Variants in TCIRG1 observed in about 807,000 individuals in gnomAD.
TCIRG1 encodes the protein T cell immune regulator 1, ATPase H+ transporting V0 subunit a3, also known as V-type proton ATPase 116 kDa subunit a 3.
Under a neutral mutation model 95.5 loss-of-function variants are expected in TCIRG1, and 86 were observed. The observed-to-expected ratio is 0.90, with a 90% CI of 0.76 to 1.08. The LOEUF is 1.08. TCIRG1 is among the 50% of genes least tolerant of loss of function. TCIRG1 has a pLI of 0.00. For synonymous variants in TCIRG1, 499 were observed against 501.3 expected (o/e 1.00, Z 0.06); for missense variants, 1,069 against 1,140.2 (o/e 0.94, Z 0.90).
intron 3 of TCIRG1, among the ~76,000 whole-genome samples, chr11:68,042,208 C>G (rs1855202083): frequency 6.6e-6 from 1 of 152,130 alleles, no homozygotes; most frequent in Non-Finnish European, 1.5e-5. Flanking sequence ...GTAGGGTACC[C>G]CTAAGGAGCA....
intron 9 of TCIRG1, 106 bp from the exon 10 acceptor site, chr11:68,044,852 G>A: frequency 7.0e-7 from 1 of 1,435,074 alleles, no homozygotes; most frequent in Non-Finnish European, 9.6e-7. Flanking sequence ...GGGCTGCCCA[G>A]TGAGCCCCCA....
At chr11:68,049,330 C>A (rs1248646561) in intron 15 of TCIRG1, 36 bp downstream of exon 15, 1 of 1,578,182 alleles carries the variant, frequency 6.3e-7, no homozygotes. Context: ...GCTCACACGG[C>A]CTCATGGGGA....
At chr11:68,047,061 A>AGTG (rs10623175) in intron 10 of TCIRG1, 104,798 of 382,722 alleles carry the variant, frequency 0.27, 15,560 homozygotes, top group African/African-American at 0.48. Context: ...CGCAGGCTGG[A>AGTG]GTGCAGTGGC....
At chr11:68,041,465 C>T (rs1855159520) in intron 2 of TCIRG1, 77 bp downstream of exon 2, 3 of 1,087,608 alleles carry the variant, frequency 2.8e-6, no homozygotes, top group Non-Finnish European at 2.8e-6. Flanking sequence ...TGGGGACTGC[C>T]CCCCCTCCGC....
Position 68,039,617 on chromosome 11 carries a change from T to C in TCIRG1, c.-5+498T>C, listed in dbSNP as rs149135024. Among the ~76,000 whole-genome samples the C allele has an allele frequency of 1.0e-3, 154 of 152,148 alleles. 8 individuals carry two copies. The East Asian group carries it at 0.029, about 29-fold the overall frequency. Reference sequence around the variant, plus strand: ...ACAGGGTGAGGAGTGGGCTGGAGCCTGGACCCCAGGGCCGCAGGATGGAGG... The same window carrying C: ...ACAGGGTGAGGAGTGGGCTGGAGCCCGGACCCCAGGGCCGCAGGATGGAGG... On this transcript the variant is annotated intron_variant, in intron 1 of 19. Coordinates refer to ENST00000265686, the MANE Select transcript of TCIRG1 (RefSeq NM_006019.4).
intron 8 of TCIRG1, 73 bp downstream of exon 8, chr11:68,043,980 A>T (rs1341926893): frequency 3.7e-5 from 50 of 1,359,584 alleles, no homozygotes; most frequent in Middle Eastern, 2.5e-4. Flanking sequence ...TGGGTGCAGG[A>T]GGTGGGTGCC....
At chr11:68,047,074 G>A (rs1250857351) in intron 10 of TCIRG1, 9 of 382,836 alleles carry the variant, frequency 2.4e-5, no homozygotes, top group African/African-American at 6.8e-5. Context: ...GCAGTGGCGC[G>A]AGCTCGGCTC....
At chr11:68,039,477 C>A (rs1447791741) in intron 1 of TCIRG1, among the ~76,000 whole-genome samples, 2 of 152,122 alleles carry the variant, frequency 1.3e-5, no homozygotes, top group Admixed American at 6.5e-5. Flanking sequence ...CAGAGCCCAC[C>A]CCATTTGGAA....
At chr11:68,045,390 C>T (rs1266154866) in intron 10 of TCIRG1, among the ~76,000 whole-genome samples, 3 of 152,240 alleles carry the variant, frequency 2.0e-5, no homozygotes, top group African/African-American at 2.4e-5. Context: ...AAGCCCATCT[C>T]GCCTACTTTG....
rs1379501520 is a variant in TCIRG1 at position 68,043,864 on chromosome 11, G to A, written c.764G>A (p.Gly255Glu). 10 of 1,568,762 alleles carry A rather than the reference G, an allele frequency of 6.4e-6. No individual in the cohort carries two copies. The Admixed American group carries it at 1.5e-4, about 23-fold the overall frequency. Residue 255 changes from glycine to glutamate, a missense_variant, in exon 8 of 20, where the codon GGG (glycine) becomes GAG (glutamate). By Grantham distance (98) the Gly-to-Glu change is moderately conservative. Coordinates refer to ENST00000265686, the MANE Select transcript of TCIRG1 (RefSeq NM_006019.4). ...PFLQQEEARL[G>E]ALQQLQQQSQ... ...CTGCAGCAGGAGGAGGCCCGCCTCG[G>A]GGCCCTGCAGCAGCTGCAACAGCAG... is the stretch of plus-strand genomic sequence containing the variant.
In TCIRG1 at chr11:68,043,616, G is replaced by A. The variant is rs1258673482; in HGVS notation, c.676G>A (p.Glu226Lys). The A allele has an allele frequency of 2.5e-5, 40 of 1,611,388 alleles. No homozygotes were observed. The highest frequency in any genetic ancestry group is 1.7e-4 in the African/African-American group (13 of 74,904). Reference sequence around the variant, plus strand: ...GACCTTCCTCATCTCCTACTGGGGTGAGCAGATCGGACAGAAGATCCGCAA... The same window carrying A: ...GACCTTCCTCATCTCCTACTGGGGTAAGCAGATCGGACAGAAGATCCGCAA... ...WMTFLISYWG[E>K]QIGQKIRKIT... is the part of the protein sequence containing the mutation. Residue 226 changes from glutamate to lysine, a missense_variant, in exon 7 of 20, where the codon GAG becomes AAG. Transcript: ENST00000265686.
At chr11:68,044,461 C>G (rs1024511808) in intron 9 of TCIRG1, 117 bp downstream of exon 9, 1 of 835,732 alleles carries the variant, frequency 1.2e-6, no homozygotes, top group Admixed American at 2.1e-5. Context: ...GGGGCTCCTT[C>G]TCCTCCCAGC....
chr11:68,047,250 AT>A (rs1855536981), intron 10 of TCIRG1, among the ~76,000 whole-genome samples, 182 bp from the exon 11 acceptor site: 1 of 48,518 alleles, frequency 2.1e-5, no homozygotes, highest in Admixed American at 2.6e-4. Context: ...ACCTCGGGTG[AT>A]GCCCCCCCCC....
At chr11:68,043,137 A>AG (rs1001228717) in intron 5 of TCIRG1, 106 bp downstream of exon 5, 7 of 1,536,548 alleles carry the variant, frequency 4.6e-6, no homozygotes, top group Non-Finnish European at 5.3e-6. Context: ...TGCTCTCCCC[A>AG]GGCTGGCCCC....
At chr11:68,049,344 C>G in intron 15 of TCIRG1, 50 bp downstream of exon 15, 5 of 1,545,284 alleles carry the variant, frequency 3.2e-6, no homozygotes, top group Non-Finnish European at 4.4e-6. Context: ...ATGGGGACCC[C>G]GCGGTCACAG....
chr11:68,042,675 C>G lies in TCIRG1; in HGVS notation c.229C>G (p.Leu77Val). ...FLQEEVRRAG[L>V]VLPPPKGRLP... is the part of the protein sequence containing the mutation. ...GCAGGAGGAGGTGCGGCGGGCTGGGCTGGTCCTGCCCCCGCCAAAGGGGAG... is the reference window on the plus strand; with the variant it reads ...GCAGGAGGAGGTGCGGCGGGCTGGGGTGGTCCTGCCCCCGCCAAAGGGGAG... Residue 77 changes from leucine to valine, a missense_variant, in exon 4 of 20, where the codon CTG becomes GTG. By Grantham distance (32) the Leu-to-Val change is conservative. Transcript: ENST00000265686. 1 of 1,546,910 alleles carries G rather than the reference C, an allele frequency of 6.5e-7. No individual in the cohort carries two copies. The highest frequency in any genetic ancestry group is 8.7e-7 in the Non-Finnish European group (1 of 1,146,282).
At chr11:68,052,932 A>G (rs1855847260), downstream of TCIRG1, 3 of 152,530 alleles carry the variant, frequency 2.0e-5, no homozygotes, top group Non-Finnish European at 2.9e-5. Context: ...AAACAATTCA[A>G]ATAAGAGTTC....
At position 68,041,832 on chromosome 11, in the gene TCIRG1, G is replaced by T. The variant is rs2134432498; in HGVS notation, c.196+1G>T. On this transcript the variant is annotated splice_donor_variant, in intron 3 of 19. Transcript: ENST00000265686. LOFTEE classifies it high-confidence loss of function. ...TGTGAGGAGCTGGAGAAGACCTTCA[G>T]TGAGTTGGTCCCAGGCCTACATTCC... 6.2e-7 allele frequency: 1 copy of T among 1,605,418 alleles called. No individual in the cohort carries two copies.
Position 68,042,991 on chromosome 11 carries a change from C to T in TCIRG1, c.463C>T (p.Leu155Phe), listed in dbSNP as rs1435922295. The T allele has an allele frequency of 6.4e-7, 1 of 1,554,076 alleles. No homozygotes were observed. Among genetic ancestry groups the T allele is most frequent in the East Asian group, 2.4e-5 (1 of 41,124 alleles). Residue 155 changes from leucine (L) to phenylalanine (F), a missense_variant, in exon 5 of 20, where the codon CTC (leucine) becomes TTC (phenylalanine). Physicochemically the swap from Leu to Phe is conservative, Grantham distance 22 (BLOSUM62 0). Transcript: ENST00000265686. The stretch of plus-strand genomic sequence containing the variant: ...TGGGGCCTCAGAGAGGACGCCCCTG[C>T]TCCAGGCCCCCGGGGGGCCGCACCA... The part of the protein sequence containing the change: ...TDGASERTPL[L>F]QAPGGPHQDL...
Sources: gnomAD v4.1 joint callset for allele counts (sites outside exome capture counted in the v4.1 genomes callset) on GRCh38, gnomAD v4.1.1 for gene constraint, MANE v1.5 for transcripts, NCBI Gene and HGNC (gene_info 2026-07-23, HGNC 2026-07-21) for gene names.